Variants in PCNX1 observed in about 807,000 individuals in gnomAD.
PCNX1 encodes the protein pecanex 1.
Under a neutral mutation model 242.2 loss-of-function variants are expected in PCNX1, and 78 were observed. The ratio of observed to expected loss-of-function variants is 0.32; its 90% CI spans 0.27 to 0.39. The LOEUF (loss-of-function observed/expected upper bound fraction) is 0.39. Among genes scored for constraint, PCNX1 ranks in the 10% least tolerant of loss-of-function variants. PCNX1 has a pLI of 1.00. For synonymous variants in PCNX1, 1,024 were observed against 1,032.9 expected, an observed-to-expected ratio of 0.99 and a Z score of 0.17; for missense variants, 2,581 against 2,856.5, an observed-to-expected ratio of 0.90 and a Z score of 2.20.
intron 32 of PCNX1, among the ~76,000 whole-genome samples, 154 bp from the exon 33 acceptor site, chr14:71,105,081 T>G (rs2062574286): frequency 6.6e-6 from 1 of 152,254 alleles, no homozygotes. Context: ...GAAAACGTAA[T>G]GAGTTTTTTT....
intron 11 of PCNX1, among the ~76,000 whole-genome samples, chr14:71,015,691 A>G (rs1243330925): frequency 6.6e-6 from 1 of 152,212 alleles, no homozygotes; most frequent in Non-Finnish European, 1.5e-5. Context: ...TAAAATAACA[A>G]AAGAGTTGTA....
At chr14:70,966,055 A>G (rs1387674579) in intron 3 of PCNX1, among the ~76,000 whole-genome samples, 1 of 152,208 alleles carries the variant, frequency 6.6e-6, no homozygotes, top group Non-Finnish European at 1.5e-5. Context: ...TATCATGAGC[A>G]TTAATATCAT....
chr14:71,068,241 GA>G (rs1566769496), intron 26 of PCNX1, among the ~76,000 whole-genome samples: 1 of 151,996 alleles, frequency 6.6e-6, no homozygotes, highest in Non-Finnish European at 1.5e-5. Context: ...TGAGGCAGGA[GA>G]ATCGCTTGAA....
At chr14:71,107,773 T>C (rs554242409) in intron 33 of PCNX1, among the ~76,000 whole-genome samples, 6 of 152,244 alleles carry the variant, frequency 3.9e-5, no homozygotes, top group Non-Finnish European at 8.8e-5. Flanking sequence ...GCAGTAATAC[T>C]ATACTTTGAG....
chr14:71,095,916 C>T (rs1255494295), intron 30 of PCNX1, among the ~76,000 whole-genome samples: 1 of 152,158 alleles, frequency 6.6e-6, no homozygotes, highest in Non-Finnish European at 1.5e-5. Context: ...TAGCTTGTGC[C>T]TGTAATCCCA....
chr14:70,968,294 G>A (rs532788981), intron 4 of PCNX1, 51 bp downstream of exon 4: 68 of 1,308,666 alleles, frequency 5.2e-5, no homozygotes, highest in Non-Finnish European at 7.1e-5. Context: ...TTTCATTTTG[G>A]TTGTAATGAA....
intron 7 of PCNX1, among the ~76,000 whole-genome samples, chr14:70,994,088 A>G (rs1386526963): frequency 1.3e-5 from 2 of 152,154 alleles, no homozygotes; most frequent in African/African-American, 4.8e-5. Context: ...TGTTGTGTGC[A>G]TTCCTATCCT....
At chr14:71,038,772 C>T (rs1205331339) in intron 19 of PCNX1, among the ~76,000 whole-genome samples, 547 of 152,082 alleles carry the variant, frequency 3.6e-3, no homozygotes, top group African/African-American at 0.013. Flanking sequence ...CACATGCACA[C>T]GTATGTTTAT....
intron 33 of PCNX1, among the ~76,000 whole-genome samples, chr14:71,105,858 T>G (rs2062601214): frequency 6.7e-6 from 1 of 149,200 alleles, no homozygotes; most frequent in South Asian, 2.1e-4. Context: ...ATAATTTTTT[T>G]TATTCCAAGT....
intron 33 of PCNX1, among the ~76,000 whole-genome samples, chr14:71,106,932 TGAG>T (rs2062640177): frequency 6.6e-6 from 1 of 152,266 alleles, no homozygotes; most frequent in African/African-American, 2.4e-5. Context: ...CTTCTTCTGA[TGAG>T]AAGTCCTTAG....
intron 16 of PCNX1, among the ~76,000 whole-genome samples, chr14:71,030,453 G>A (rs958391669): frequency 6.6e-6 from 1 of 152,086 alleles, no homozygotes; most frequent in African/African-American, 2.4e-5. Context: ...GTTTGGACCA[G>A]GCTGTCTGGC....
chr14:71,099,274 T>G (rs2062396658), intron 30 of PCNX1, among the ~76,000 whole-genome samples: 1 of 151,644 alleles, frequency 6.6e-6, no homozygotes, highest in African/African-American at 2.4e-5. Context: ...TTCTCCTGCC[T>G]CAGCCTCCCG....
At position 71,109,026 on chromosome 14, in the gene PCNX1, G is replaced by A. The variant is rs754133121; in HGVS notation, c.6724G>A (p.Glu2242Lys). Residue 2242 changes from glutamate (E) to lysine (K), a missense_variant, in exon 34 of 36, where the codon GAA becomes AAA. Around this residue, in one of 9 missense-constraint regions of PCNX1, gnomAD observed 432 missense variants for 433.6 expected, o/e 1.00. Coordinates refer to ENST00000304743, the MANE Select transcript of PCNX1 (RefSeq NM_014982.3). The part of the protein sequence containing the change: ...PANNSHSRKA[E>K]VIYRVQIVDP... ...CAACAATTCACACTCCAGAAAGGCA[G>A]AAGTGATTTACAGAGTCCAAGTAAG... 19 of 1,612,786 alleles carry A rather than the reference G, an allele frequency of 1.2e-5. No homozygotes were observed. The South Asian group carries it at 2.1e-4, about 18-fold the overall frequency.
At chr14:71,108,000 A>G (rs2062670445) in intron 33 of PCNX1, among the ~76,000 whole-genome samples, 1 of 152,192 alleles carries the variant, frequency 6.6e-6, no homozygotes, top group Non-Finnish European at 1.5e-5. Flanking sequence ...TAAGCATACA[A>G]CACATTATTA....
intron 6 of PCNX1, among the ~76,000 whole-genome samples, chr14:70,986,965 CTTA>C (rs1238171594): frequency 1.3e-5 from 2 of 152,156 alleles, no homozygotes. Context: ...TGAGTTAAAC[CTTA>C]TTGGTGTCTA....
At chr14:71,097,684 T>C (rs935870750) in intron 30 of PCNX1, among the ~76,000 whole-genome samples, 16 of 152,198 alleles carry the variant, frequency 1.1e-4, no homozygotes, top group Non-Finnish European at 2.2e-4. Context: ...GTACTAGACC[T>C]TTGTTGGATG....
chr14:70,922,732 C>T (rs1034689024), intron 1 of PCNX1, among the ~76,000 whole-genome samples: 18 of 148,910 alleles, frequency 1.2e-4, no homozygotes, highest in Admixed American at 1.0e-3. Context: ...TATTGGTTCC[C>T]TAGTGGGGGA....
chr14:71,014,598 G>T (rs1198136218), intron 11 of PCNX1, among the ~76,000 whole-genome samples: 1 of 152,138 alleles, frequency 6.6e-6, no homozygotes, highest in Non-Finnish European at 1.5e-5. Context: ...AAATATACTG[G>T]ATGGGATTAA....
intron 20 of PCNX1, among the ~76,000 whole-genome samples, chr14:71,045,862 C>G (rs2060846003): frequency 1.3e-5 from 2 of 152,236 alleles, no homozygotes; most frequent in South Asian, 4.1e-4. Context: ...ACTTGCCAAG[C>G]TTTTTCCTTA....
Sources: gnomAD v4.1 joint callset for allele counts (sites outside exome capture counted in the v4.1 genomes callset) on GRCh38, gnomAD v4.1.1 for gene constraint, gnomAD v4.1.1 regional missense constraint, MANE v1.5 for transcripts, NCBI Gene and HGNC (gene_info 2026-07-23, HGNC 2026-07-21) for gene names.